USP10: variants seen among roughly 807,000 people sequenced by gnomAD.
USP10 encodes the protein ubiquitin carboxyl-terminal hydrolase 10.
A neutral mutation model predicts 84.5 loss-of-function variants in USP10; 22 were observed. The observed-to-expected ratio is 0.26, with a 90% CI of 0.19 to 0.37. The LOEUF (loss-of-function observed/expected upper bound fraction) is 0.37. USP10 is among the 10% of genes least tolerant of loss of function. The pLI is 1.00. For missense variants in USP10, 1,019 were observed against 998.9 expected, an observed-to-expected ratio of 1.02 and a Z score of -0.27; for synonymous variants, 454 against 387.6, an observed-to-expected ratio of 1.17 and a Z score of -2.01.
rs1597419730 is a variant in USP10 at position 84,778,837 on chromosome 16, T to C, written c.2210-58T>C. Reference sequence around the variant, plus strand: ...CCCTGGAGGGAAGTCGGCGGAGACCTGTAATGATTCGTGTGCAGTGCTGTT... The same window carrying C: ...CCCTGGAGGGAAGTCGGCGGAGACCCGTAATGATTCGTGTGCAGTGCTGTT... On this transcript the variant is annotated intron_variant, in intron 13 of 13. Coordinates refer to ENST00000219473, the MANE Select transcript of USP10 (RefSeq NM_005153.3). 9 of 1,529,030 alleles carry C rather than the reference T, an allele frequency of 5.9e-6. No individual in the cohort carries two copies. The South Asian group carries it at 1.1e-4, about 19-fold the overall frequency. The allele number at this position is 1,529,030 out of a possible 1,614,324, so 94.7% of individuals were successfully genotyped here.
intron 12 of USP10, among the ~76,000 whole-genome samples, chr16:84,774,499 C>CTTCGAGACAGAGTT (rs1432940220): frequency 4.7e-5 from 7 of 147,970 alleles, no homozygotes; most frequent in African/African-American, 1.8e-4. Flanking sequence ...TTGTTTTTTT[C>CTTCGAGACAGAGTT]TTGCTCTGTC....
At chr16:84,737,129 G>A (rs997379196) in intron 2 of USP10, among the ~76,000 whole-genome samples, 1 of 152,206 alleles carries the variant, frequency 6.6e-6, no homozygotes, top group Non-Finnish European at 1.5e-5. Flanking sequence ...GGGCTTTGTG[G>A]TTCAGGAGAG....
At chr16:84,762,906 T>C in intron 8 of USP10, 83 bp from the exon 9 acceptor site, 1 of 744,840 alleles carries the variant, frequency 1.3e-6, no homozygotes, top group Admixed American at 2.4e-5. Context: ...GGAGGCATGG[T>C]TGGACTTTGC....
At chr16:84,754,629 G>C (rs1912311909) in intron 4 of USP10, among the ~76,000 whole-genome samples, 1 of 152,190 alleles carries the variant, frequency 6.6e-6, no homozygotes, top group African/African-American at 2.4e-5. Flanking sequence ...TAACCTGCCT[G>C]CGCCTCAAAA....
At chr16:84,715,637 CT>C (rs530012035) in intron 1 of USP10, among the ~76,000 whole-genome samples, 4 of 147,842 alleles carry the variant, frequency 2.7e-5, no homozygotes, top group South Asian at 2.1e-4. Context: ...GGTGCCCTCC[CT>C]TTTTTTTTTA....
At chr16:84,711,202 C>T (rs1460980512) in intron 1 of USP10, among the ~76,000 whole-genome samples, 1 of 152,192 alleles carries the variant, frequency 6.6e-6, no homozygotes, top group African/African-American at 2.4e-5. Context: ...CCAGTACTTG[C>T]TCTGTGCCAG....
At chr16:84,710,513 T>C (rs2150760867) in intron 1 of USP10, among the ~76,000 whole-genome samples, 1 of 152,210 alleles carries the variant, frequency 6.6e-6, no homozygotes, top group East Asian at 1.9e-4. Flanking sequence ...TCAGTGGTAA[T>C]TGGATAGAGT....
chr16:84,771,881 G>A (rs1352986629), intron 11 of USP10, among the ~76,000 whole-genome samples: 1 of 152,038 alleles, frequency 6.6e-6, no homozygotes, highest in Non-Finnish European at 1.5e-5. Flanking sequence ...CAAAAAAGGC[G>A]GGGGAGTCAG....
intron 2 of USP10, among the ~76,000 whole-genome samples, chr16:84,739,802 C>T (rs1000171030): frequency 3.3e-5 from 5 of 152,204 alleles, no homozygotes; most frequent in Non-Finnish European, 7.3e-5. Flanking sequence ...AAAAAGGGAG[C>T]TGCAGTCACC....
chr16:84,742,194 C>T (rs895330928), intron 3 of USP10, among the ~76,000 whole-genome samples: 3 of 152,186 alleles, frequency 2.0e-5, no homozygotes, highest in Admixed American at 1.3e-4. Context: ...GGTTGTCCTT[C>T]ACCTCAAGCA....
At chr16:84,778,792 G>GT in intron 13 of USP10, 103 bp from the exon 14 acceptor site, 1 of 1,183,154 alleles carries the variant, frequency 8.5e-7, no homozygotes. Flanking sequence ...TTGGAGAGGG[G>GT]TTTTACACAT....
At position 84,779,088 on chromosome 16, in the gene USP10, G is replaced by C. The variant is rs760105040; in HGVS notation, c.*6G>C. Reference sequence around the variant, plus strand: ...GCCGAGTGGACCTGCTGTAAACCCTGTGTGCGCTGTGTGTGCGCCCAGTGC... The same window carrying C: ...GCCGAGTGGACCTGCTGTAAACCCTCTGTGCGCTGTGTGTGCGCCCAGTGC... On this transcript the variant is annotated 3_prime_UTR_variant, in exon 14 of 14. Transcript: ENST00000219473. 8.1e-6 allele frequency: 13 copies of C among 1,608,552 alleles called. No individual in the cohort carries two copies. The South Asian group carries it at 1.3e-4, about 16-fold the overall frequency.
chr16:84,740,532 A>G (rs1910504844), intron 3 of USP10, among the ~76,000 whole-genome samples, 163 bp downstream of exon 3: 1 of 152,240 alleles, frequency 6.6e-6, no homozygotes, highest in African/African-American at 2.4e-5. Context: ...CACTTTGACT[A>G]GTGAATTGGT....
chr16:84,726,823 C>T (rs750414870), intron 1 of USP10, among the ~76,000 whole-genome samples: 2 of 152,238 alleles, frequency 1.3e-5, no homozygotes, highest in Non-Finnish European at 2.9e-5. Flanking sequence ...TCCCCCGAAT[C>T]GCAGGCATTT....
At chr16:84,733,218 A>G (rs532487937) in intron 1 of USP10, 18 of 603,914 alleles carry the variant, frequency 3.0e-5, no homozygotes, top group East Asian at 1.9e-4. Context: ...TATCAGTTTC[A>G]TAGTGTTCTT....
rs562549328 is a variant in USP10, at chr16:84,722,861, G to A, written c.22-10574G>A. Among the ~76,000 whole-genome samples the A allele has an allele frequency of 8.5e-5, 13 of 152,172 alleles. No individual in the cohort carries two copies. The South Asian group carries it at 1.0e-3, about 12-fold the overall frequency. ...GTGAGCCACTGCGTCCGGCTCAGTC[G>A]TCTTAATTTTATAGTACATCAATTT... On this transcript the variant is annotated intron_variant, in intron 1 of 13. Transcript: ENST00000219473.
intron 8 of USP10, among the ~76,000 whole-genome samples, chr16:84,761,804 C>A (rs1035076213): frequency 6.6e-6 from 1 of 152,258 alleles, no homozygotes; most frequent in Admixed American, 6.5e-5. Context: ...ATCCAAATTC[C>A]CAGACACCAG....
chr16:84,756,423 T>A (rs1912550691), intron 4 of USP10, among the ~76,000 whole-genome samples: 1 of 152,130 alleles, frequency 6.6e-6, no homozygotes. Context: ...TGAAATCCTG[T>A]CTCTCCTAAA....
In USP10 at chr16:84,704,381, G is replaced by A. The variant is rs115809444; in HGVS notation, c.21+4270G>A. 8.5e-3 allele frequency among the ~76,000 whole-genome samples: 1,287 copies of A among 152,282 alleles called. 10 individuals are homozygous for A. The highest frequency in any genetic ancestry group is 0.029 in the African/African-American group (1,200 of 41,550). ...TGCCACACATGCAAGAATCACCATC[G>A]CACAAAACAGATAAATCTGTTTGCA... On this transcript the variant is annotated intron_variant, in intron 1 of 13. Coordinates refer to ENST00000219473, the MANE Select transcript of USP10 (RefSeq NM_005153.3).
Sources: allele counts gnomAD v4.1 joint callset (sites outside exome capture counted in the v4.1 genomes callset), GRCh38; gene constraint gnomAD v4.1.1; transcripts MANE v1.5; gene names NCBI Gene and HGNC (gene_info 2026-07-23, HGNC 2026-07-21).